Variants in GALNTL6 observed in about 807,000 individuals in gnomAD.
GALNTL6 encodes the protein polypeptide N-acetylgalactosaminyltransferase-like 6.
GALNTL6 carries 46 observed loss-of-function variants against 73.7 expected under a neutral mutation model. That is an observed-to-expected ratio of 0.62 (90% CI 0.49 to 0.80). The LOEUF (loss-of-function observed/expected upper bound fraction) is 0.80. GALNTL6 is among the 30% of genes least tolerant of loss of function. The pLI is 0.00. For synonymous variants in GALNTL6, 259 were observed against 263.7 expected, an observed-to-expected ratio of 0.98 and a Z score of 0.17; for missense variants, 604 against 755.0, an observed-to-expected ratio of 0.80 and a Z score of 2.34.
chr4:172,535,788 G>A (rs1471112793), intron 5 of GALNTL6, among the ~76,000 whole-genome samples: 1 of 152,138 alleles, frequency 6.6e-6, no homozygotes, highest in African/African-American at 2.4e-5. Context: ...CAACATCCAT[G>A]GAATATTCAT....
intron 7 of GALNTL6, among the ~76,000 whole-genome samples, chr4:172,858,880 T>C (rs572436126): frequency 1.3e-5 from 2 of 151,240 alleles, no homozygotes; most frequent in South Asian, 4.2e-4. Flanking sequence ...ATGAAAAATA[T>C]ACATTAGAAA....
At chr4:171,940,278 A>G (rs1169489275) in intron 2 of GALNTL6, among the ~76,000 whole-genome samples, 2 of 152,020 alleles carry the variant, frequency 1.3e-5, no homozygotes, top group Admixed American at 6.6e-5. Context: ...GAAACTATTG[A>G]TAATCAAAGA....
chr4:172,201,090 T>TTG (rs1220837258), intron 2 of GALNTL6, among the ~76,000 whole-genome samples: 2 of 152,300 alleles, frequency 1.3e-5, no homozygotes, highest in Admixed American at 1.3e-4. Context: ...AAAAAACTCT[T>TTG]TGTTAAACAC....
chr4:172,873,251 A>G (rs1024293330), intron 7 of GALNTL6, among the ~76,000 whole-genome samples: 6 of 152,208 alleles, frequency 3.9e-5, no homozygotes, highest in Admixed American at 6.5e-5. Context: ...AAAGTTCCCA[A>G]TCAAAGCCAT....
chr4:172,219,565 G>C (rs1560975408), intron 2 of GALNTL6, among the ~76,000 whole-genome samples: 1 of 151,762 alleles, frequency 6.6e-6, no homozygotes, highest in Non-Finnish European at 1.5e-5. Context: ...TAGATACCAG[G>C]AAAACACAAT....
At chr4:172,749,093 T>TTTG (rs1737279500) in intron 5 of GALNTL6, among the ~76,000 whole-genome samples, 2 of 92,590 alleles carry the variant, frequency 2.2e-5, no homozygotes, top group East Asian at 8.1e-4. Flanking sequence ...TTGTTGTTTG[T>TTTG]TTTTTTTTTG....
chr4:172,454,462 G>C (rs1304045039), intron 5 of GALNTL6, among the ~76,000 whole-genome samples: 1 of 152,202 alleles, frequency 6.6e-6, no homozygotes, highest in Non-Finnish European at 1.5e-5. Context: ...CCCATTCCAA[G>C]ATGCATGAGG....
chr4:172,606,856 G>A (rs962169404), intron 5 of GALNTL6, among the ~76,000 whole-genome samples: 1 of 151,332 alleles, frequency 6.6e-6, no homozygotes. Flanking sequence ...TTAGAAGTTG[G>A]AAGAGGAATT....
rs139248798 is a variant in GALNTL6, at chr4:172,029,226, G to A, written c.139-200430G>A. Among the ~76,000 whole-genome samples, 75 of 152,070 alleles carry A rather than the reference G, an allele frequency of 4.9e-4. No individual in the cohort carries two copies. The East Asian group carries it at 0.013, about 27-fold the overall frequency. The stretch of plus-strand genomic sequence containing the variant: ...TTCATTAAATGTCAATACAGATGAA[G>A]CAATTCTTATGAAACTAAGTGTAAA... On this transcript the variant is annotated intron_variant, in intron 2 of 12. Transcript: ENST00000506823.
chr4:172,348,617 C>A lies in GALNTL6; in HGVS notation c.481C>A (p.His161Asn), dbSNP rs750632587. ...EGWTSLLRTI[H>N]SIINRTPGSL... ...TTGGACTTCACTCCTGCGGACCATA[C>A]ACAGTATAATTAACCGAACCCCAGG... The change falls in exon 5 of 13, where the codon CAC becomes AAC. Residue 161 changes from histidine to asparagine, a missense_variant. Around this residue, in one of 5 missense-constraint regions of GALNTL6, gnomAD observed 179 missense variants for 230.8 expected, o/e 0.78. Transcript: ENST00000506823. 1.6e-5 allele frequency: 25 copies of A among 1,612,188 alleles called. 1 individual carries two copies. The South Asian group carries it at 2.6e-4, about 17-fold the overall frequency.
intron 12 of GALNTL6, among the ~76,000 whole-genome samples, chr4:173,035,233 C>T (rs1177142625): frequency 6.8e-6 from 1 of 146,566 alleles, no homozygotes; most frequent in Non-Finnish European, 1.5e-5. Flanking sequence ...GGCTGGAGTG[C>T]AATGGCGCAA....
chr4:172,241,175 T>C (rs1384036540), intron 3 of GALNTL6, among the ~76,000 whole-genome samples: 1 of 152,198 alleles, frequency 6.6e-6, no homozygotes, highest in Non-Finnish European at 1.5e-5. Context: ...TAATGGCCAG[T>C]AGGCTGGTAG....
intron 5 of GALNTL6, among the ~76,000 whole-genome samples, chr4:172,480,845 C>T (rs1733427569): frequency 6.6e-6 from 1 of 152,116 alleles, no homozygotes; most frequent in Non-Finnish European, 1.5e-5. Flanking sequence ...CCCAGGCTTT[C>T]CTCCATGTGA....
At chr4:172,366,392 C>A (rs1043139964) in intron 5 of GALNTL6, among the ~76,000 whole-genome samples, 2 of 151,962 alleles carry the variant, frequency 1.3e-5, no homozygotes, top group African/African-American at 4.8e-5. Context: ...TTTGTAATCA[C>A]CACATTGTCA....
intron 2 of GALNTL6, among the ~76,000 whole-genome samples, chr4:171,903,218 T>G (rs1737156287): frequency 6.6e-6 from 1 of 152,072 alleles, no homozygotes; most frequent in South Asian, 2.1e-4. Context: ...TTTCTGCATT[T>G]CCATCTGAGG....
At chr4:172,836,360 C>T (rs1166611352) in intron 7 of GALNTL6, among the ~76,000 whole-genome samples, 2 of 152,234 alleles carry the variant, frequency 1.3e-5, no homozygotes, top group Non-Finnish European at 2.9e-5. Flanking sequence ...TCCAGTTAAA[C>T]TCCTCCACAG....
intron 5 of GALNTL6, among the ~76,000 whole-genome samples, chr4:172,533,809 A>G (rs1579162541): frequency 6.6e-6 from 1 of 152,174 alleles, no homozygotes; most frequent in African/African-American, 2.4e-5. Flanking sequence ...TATAACTAAC[A>G]TGACTTCATG....
chr4:172,368,960 C>G (rs1034568879), intron 5 of GALNTL6, among the ~76,000 whole-genome samples: 4 of 152,122 alleles, frequency 2.6e-5, no homozygotes, highest in African/African-American at 9.7e-5. Context: ...GCGGCACAGA[C>G]CCAAAGAATG....
chr4:173,010,191 C>T, intron 11 of GALNTL6, among the ~76,000 whole-genome samples: 1 of 152,168 alleles, frequency 6.6e-6, no homozygotes, highest in East Asian at 1.9e-4. Context: ...TGGTAACCAT[C>T]CTTCTACTAT....
Sources: allele counts gnomAD v4.1 joint callset (sites outside exome capture counted in the v4.1 genomes callset), GRCh38; gene constraint gnomAD v4.1.1; regional missense constraint gnomAD v4.1.1; transcripts MANE v1.5; gene names NCBI Gene and HGNC (gene_info 2026-07-23, HGNC 2026-07-21).